Variants in PCDH11X observed in about 807,000 individuals in gnomAD.
PCDH11X encodes protocadherin-11 X-linked.
Under a neutral mutation model 53.3 loss-of-function variants are expected in PCDH11X, and 18 were observed. The observed-to-expected ratio is 0.34, with a 90% CI of 0.23 to 0.50. PCDH11X has a LOEUF of 0.50. Among genes scored for constraint, PCDH11X ranks in the 20% least tolerant of loss-of-function variants. The probability of loss-of-function intolerance (pLI) is 0.98; values close to 1 mark genes in which losing one functional copy is unlikely to be tolerated. For missense variants in PCDH11X, 570 were observed against 1,032.4 expected, an observed-to-expected ratio of 0.55 and a Z score of 6.14; for synonymous variants, 279 against 393.3, an observed-to-expected ratio of 0.71 and a Z score of 3.44.
chrX:92,147,810 C>CCTTTCTTTCTCTTTCTTTCTTT (rs2065297150), intron 6 of PCDH11X, among the ~76,000 whole-genome samples: 1 of 70,198 alleles, frequency 1.4e-5, no homozygotes, highest in Non-Finnish European at 2.6e-5. Context: ...TTTCTTCCTT[C>CCTTTCTTTCTCTTTCTTTCTTT]CTTTCTTTCT....
intron 7 of PCDH11X, among the ~76,000 whole-genome samples, chrX:92,226,482 A>G (rs1267899444): frequency 1.8e-5 from 2 of 111,816 alleles, no homozygotes; most frequent in African/African-American, 3.2e-5. Flanking sequence ...CAAACAAGGT[A>G]GTATAGCGAA....
chrX:91,924,880 A>G (rs747897573), intron 6 of PCDH11X, among the ~76,000 whole-genome samples: 29 of 111,144 alleles, frequency 2.6e-4, no homozygotes, highest in Non-Finnish European at 4.7e-4. Context: ...TTTTTTTTAA[A>G]CATGCCACTT....
intron 6 of PCDH11X, among the ~76,000 whole-genome samples, chrX:92,038,262 C>CCT (rs111573012): frequency 0.15 from 16,226 of 109,925 alleles, 1,070 homozygotes; most frequent in Admixed American, 0.28. Flanking sequence ...CATGGCAGCC[C>CCT]CTCTAATCAC....
chrX:92,184,918 AATAAT>A (rs764776700), intron 6 of PCDH11X, among the ~76,000 whole-genome samples: 3 of 111,051 alleles, frequency 2.7e-5, no homozygotes, highest in African/African-American at 6.5e-5. Context: ...TGGGATTGGT[AATAAT>A]ATAATATAAT....
Position 91,923,870 on chromosome X carries a change from A to G in PCDH11X, c.3033+44597A>G, listed in dbSNP as rs369530006. Among the ~76,000 whole-genome samples the G allele has an allele frequency of 4.5e-5, 5 of 110,925 alleles. No individual in the cohort carries two copies. In the South Asian group the frequency reaches 1.6e-3, roughly 34 times the overall value. On this transcript the variant is annotated intron_variant, in intron 6 of 10. Transcript: ENST00000682573. ...TACACATAGACATAAAGATGGGAAC[A>G]GTAGACACTGGAGACTACTAGAGTG... is the stretch of plus-strand genomic sequence containing the variant.
chrX:92,208,409 A>C (rs1272161191), intron 7 of PCDH11X, among the ~76,000 whole-genome samples: 1 of 97,484 alleles, frequency 1.0e-5, no homozygotes, highest in East Asian at 3.2e-4. Context: ...GACAGGATTC[A>C]AACTCCCTTT....
At chrX:92,215,357 C>T (rs2066676900) in intron 7 of PCDH11X, among the ~76,000 whole-genome samples, 2 of 107,144 alleles carry the variant, frequency 1.9e-5, no homozygotes, top group Admixed American at 1.0e-4. Flanking sequence ...CCTAATACTG[C>T]GCTTTTCCGA....
At chrX:91,963,548 A>G (rs1228830347) in intron 6 of PCDH11X, among the ~76,000 whole-genome samples, 1 of 111,485 alleles carries the variant, frequency 9.0e-6, no homozygotes, top group Non-Finnish European at 1.9e-5. Context: ...AGTCTCTAGG[A>G]AGTTTCAAAC....
chrX:92,173,239 G>C (rs767272065), intron 6 of PCDH11X, among the ~76,000 whole-genome samples: 1 of 111,312 alleles, frequency 9.0e-6, no homozygotes, highest in Admixed American at 9.6e-5. Context: ...ACTTAATGCT[G>C]GTAAACTTGT....
At chrX:91,934,450 T>G (rs1232324828) in intron 6 of PCDH11X, among the ~76,000 whole-genome samples, 2 of 111,023 alleles carry the variant, frequency 1.8e-5, no homozygotes, top group Non-Finnish European at 3.8e-5. Context: ...GGTCACTCTT[T>G]GTTCCTTGCT....
At chrX:92,457,923 T>C (rs938410176) in intron 9 of PCDH11X, among the ~76,000 whole-genome samples, 1 of 108,562 alleles carries the variant, frequency 9.2e-6, no homozygotes, top group East Asian at 2.9e-4. Context: ...TTGAAATAGA[T>C]ATTTTTGAAA....
At position 92,232,412 on chromosome X, in the gene PCDH11X, T is replaced by A. The variant is rs139981800; in HGVS notation, c.3115-30702T>A. Among the ~76,000 whole-genome samples, 1,117 of 111,814 alleles carry A rather than the reference T, an allele frequency of 1.0e-2. 21 individuals carry two copies. The highest frequency in any genetic ancestry group is 0.035 in the African/African-American group (1,065 of 30,763). ...CTCTGCAACTTTGTTGATTTCGTAT[T>A]TTCCCAAATCCTGAAAAATACCCTA... is the stretch of plus-strand genomic sequence containing the variant. On this transcript the variant is annotated intron_variant, in intron 7 of 10. Transcript: ENST00000682573.
At chrX:92,105,684 G>A (rs2064368806) in intron 6 of PCDH11X, among the ~76,000 whole-genome samples, 1 of 106,624 alleles carries the variant, frequency 9.4e-6, no homozygotes, top group Non-Finnish European at 1.9e-5. Flanking sequence ...AAGGTGCTCA[G>A]TGGGGGTGCT....
At chrX:91,942,044 A>G (rs1302759188) in intron 6 of PCDH11X, among the ~76,000 whole-genome samples, 1 of 110,475 alleles carries the variant, frequency 9.1e-6, no homozygotes, top group Non-Finnish European at 1.9e-5. Context: ...ACCAGGAAAT[A>G]GGGGGAAATT....
At chrX:91,873,721 C>G (rs1359267009) in intron 5 of PCDH11X, among the ~76,000 whole-genome samples, 1 of 111,353 alleles carries the variant, frequency 9.0e-6, no homozygotes, top group African/African-American at 3.3e-5. Context: ...TTAAAACTTA[C>G]ATATTCGTTT....
chrX:92,320,774 G>A (rs1417590014), intron 8 of PCDH11X, among the ~76,000 whole-genome samples: 1 of 111,592 alleles, frequency 9.0e-6, no homozygotes, highest in Non-Finnish European at 1.9e-5. Context: ...CTCCTGCAAA[G>A]ACCAGAGACA....
chrX:92,284,010 A>G (rs2068305481), intron 8 of PCDH11X, among the ~76,000 whole-genome samples: 1 of 109,474 alleles, frequency 9.1e-6, no homozygotes, highest in Non-Finnish European at 1.9e-5. Context: ...TCACAATTTC[A>G]GATTTTATAC....
At chrX:92,436,003 C>T (rs147711095) in intron 9 of PCDH11X, among the ~76,000 whole-genome samples, 2,449 of 109,852 alleles carry the variant, frequency 0.022, 59 homozygotes, top group African/African-American at 0.062. Context: ...CAAGCTCCTG[C>T]ATAGCAAAAG....
chrX:92,376,878 C>CCTTA, intron 8 of PCDH11X, among the ~76,000 whole-genome samples: 1 of 111,708 alleles, frequency 9.0e-6, no homozygotes, highest in South Asian at 3.7e-4. Context: ...AACTCCTGAC[C>CCTTA]CTTATGTCAG....
Sources: allele counts gnomAD v4.1 joint callset (sites outside exome capture counted in the v4.1 genomes callset), GRCh38; gene constraint gnomAD v4.1.1; transcripts MANE v1.5; gene names NCBI Gene and HGNC (gene_info 2026-07-23, HGNC 2026-07-21).